The following LRRTM4 variants were observed in gnomAD, a reference collection of about 807,000 sequenced individuals.
LRRTM4 encodes the protein leucine rich repeat transmembrane neuronal 4.
In LRRTM4, 25 loss-of-function variants were observed where a neutral mutation model predicts 47.6. The ratio of observed to expected loss-of-function variants is 0.53; its 90% CI spans 0.38 to 0.73. The LOEUF (loss-of-function observed/expected upper bound fraction) is 0.73, where lower values mean the gene tolerates loss of function less well. LRRTM4 is among the 30% of genes least tolerant of loss of function. LRRTM4 has a pLI of 0.00. For synonymous variants in LRRTM4, 311 were observed against 269.5 expected (o/e 1.15, Z -1.51); for missense variants, 638 against 713.4 (o/e 0.89, Z 1.20).
intron 3 of LRRTM4, among the ~76,000 whole-genome samples, chr2:76,972,908 G>T (rs550894296): frequency 6.6e-5 from 10 of 151,792 alleles, no homozygotes; most frequent in Non-Finnish European, 1.5e-4. Context: ...TACAAAAAAG[G>T]TTGTTAACTC....
chr2:77,128,890 G>A (rs749846643), intron 3 of LRRTM4, among the ~76,000 whole-genome samples: 43 of 152,222 alleles, frequency 2.8e-4, no homozygotes, highest in African/African-American at 7.5e-4. Flanking sequence ...TCCACCTGTC[G>A]TGGCCTCCCA....
intron 3 of LRRTM4, among the ~76,000 whole-genome samples, chr2:77,051,232 C>G (rs1222415298): frequency 2.6e-5 from 4 of 151,904 alleles, no homozygotes; most frequent in Admixed American, 6.6e-5. Context: ...AAAGAACTAT[C>G]TAGTTCAAAA....
intron 3 of LRRTM4, among the ~76,000 whole-genome samples, chr2:77,386,730 T>C (rs1402900635): frequency 2.0e-5 from 3 of 151,912 alleles, no homozygotes; most frequent in East Asian, 3.9e-4. Context: ...AAGTGGGAGT[T>C]GAACAGTGAG....
intron 3 of LRRTM4, among the ~76,000 whole-genome samples, chr2:77,226,827 A>T (rs1476982287): frequency 1.3e-5 from 2 of 151,880 alleles, no homozygotes; most frequent in Admixed American, 1.3e-4. Context: ...GGCATAGGGG[A>T]AAATGTACTG....
At chr2:77,422,539 A>T (rs1452070108) in intron 3 of LRRTM4, among the ~76,000 whole-genome samples, 4 of 152,238 alleles carry the variant, frequency 2.6e-5, no homozygotes, top group African/African-American at 9.6e-5. Flanking sequence ...AACCATTTGC[A>T]AGAGATGGAA....
At chr2:77,153,477 C>T (rs545841453) in intron 3 of LRRTM4, among the ~76,000 whole-genome samples, 28 of 152,220 alleles carry the variant, frequency 1.8e-4, no homozygotes, top group African/African-American at 4.6e-4. Context: ...GTCATTTTCT[C>T]CCTCTTATAA....
intron 3 of LRRTM4, among the ~76,000 whole-genome samples, chr2:77,502,803 G>T (rs1455967630): frequency 6.6e-6 from 1 of 151,608 alleles, no homozygotes; most frequent in Non-Finnish European, 1.5e-5. Flanking sequence ...AAGGTGGTTT[G>T]ACTATACAAG....
At chr2:77,339,374 T>C (rs981618313) in intron 3 of LRRTM4, among the ~76,000 whole-genome samples, 2 of 152,088 alleles carry the variant, frequency 1.3e-5, no homozygotes, top group Non-Finnish European at 2.9e-5. Flanking sequence ...TTATGTTTCC[T>C]AAATTTGTTT....
intron 3 of LRRTM4, among the ~76,000 whole-genome samples, chr2:76,753,503 T>C (rs1672920205): frequency 6.6e-6 from 1 of 152,182 alleles, no homozygotes; most frequent in Non-Finnish European, 1.5e-5. Flanking sequence ...TATGTTCTGG[T>C]TTTCTAAAAA....
chr2:77,056,663 A>G (rs752733081), intron 3 of LRRTM4, among the ~76,000 whole-genome samples: 1 of 152,218 alleles, frequency 6.6e-6, no homozygotes, highest in Non-Finnish European at 1.5e-5. Flanking sequence ...AAGGTTTCAG[A>G]TTATTGTGTA....
At chr2:77,457,499 T>C (rs1192090475) in intron 3 of LRRTM4, among the ~76,000 whole-genome samples, 1 of 152,112 alleles carries the variant, frequency 6.6e-6, no homozygotes, top group African/African-American at 2.4e-5. Context: ...CTTCATTTAT[T>C]TTCCATACAG....
At chr2:76,873,984 T>C (rs76722770) in intron 3 of LRRTM4, among the ~76,000 whole-genome samples, 14,544 of 151,940 alleles carry the variant, frequency 0.096, 1,185 homozygotes, top group East Asian at 0.38. Context: ...CCAGATTTAA[T>C]AAAAATTTTT....
intron 3 of LRRTM4, among the ~76,000 whole-genome samples, chr2:76,753,517 C>A (rs1239603820): frequency 6.6e-6 from 1 of 152,092 alleles, no homozygotes; most frequent in Non-Finnish European, 1.5e-5. Flanking sequence ...CTAAAAACAT[C>A]ATTTATTGTT....
intron 3 of LRRTM4, among the ~76,000 whole-genome samples, chr2:77,344,381 T>A (rs1292650657): frequency 6.6e-6 from 1 of 151,652 alleles, no homozygotes; most frequent in South Asian, 2.1e-4. Context: ...ATATAAAGAA[T>A]AGCTAAATGG....
At chr2:76,894,649 A>G (rs1673353933) in intron 3 of LRRTM4, among the ~76,000 whole-genome samples, 2 of 152,000 alleles carry the variant, frequency 1.3e-5, no homozygotes, top group East Asian at 3.9e-4. Flanking sequence ...GGTATTACAA[A>G]TAAAGCCACT....
intron 3 of LRRTM4, among the ~76,000 whole-genome samples, chr2:77,405,586 T>G (rs1188534302): frequency 2.0e-5 from 3 of 152,120 alleles, no homozygotes; most frequent in Non-Finnish European, 4.4e-5. Flanking sequence ...CTATTTGTGT[T>G]TGATATTTGG....
At chr2:77,323,032 T>G (rs892965374) in intron 3 of LRRTM4, among the ~76,000 whole-genome samples, 2 of 152,072 alleles carry the variant, frequency 1.3e-5, no homozygotes, top group Non-Finnish European at 2.9e-5. Flanking sequence ...AGATGTTTCA[T>G]GGAGGCGTCA....
chr2:76,807,474 A>ATATATATG (rs1558667711), intron 3 of LRRTM4, among the ~76,000 whole-genome samples: 1 of 132,580 alleles, frequency 7.5e-6, no homozygotes, highest in African/African-American at 3.1e-5. Context: ...ATATATACAT[A>ATATATATG]TATATATATA....
At chr2:76,798,929 T>TAACAGGA (rs1380702141) in intron 3 of LRRTM4, among the ~76,000 whole-genome samples, 4 of 150,426 alleles carry the variant, frequency 2.7e-5, no homozygotes, top group African/African-American at 1.0e-4. Context: ...AATAGACCAA[T>TAACAGGA]AACAGGAGCT....
Sources: gnomAD v4.1 joint callset for allele counts (sites outside exome capture counted in the v4.1 genomes callset) on GRCh38, gnomAD v4.1.1 for gene constraint, MANE v1.5 for transcripts, NCBI Gene and HGNC (gene_info 2026-07-23, HGNC 2026-07-21) for gene names.